Variants in MAD1L1 observed in about 807,000 individuals in gnomAD.
MAD1L1 encodes mitotic arrest deficient 1 like 1, also known as mitotic spindle assembly checkpoint protein MAD1.
MAD1L1 carries 95 observed loss-of-function variants against 96.9 expected under a neutral mutation model. The observed-to-expected ratio is 0.98, with a 90% CI of 0.83 to 1.16. The LOEUF is 1.16. Ranked by LOEUF, MAD1L1 falls within the 50% of genes most tolerant of loss-of-function variation. MAD1L1 has a pLI of 0.00. For missense variants in MAD1L1, 1,007 were observed against 954.4 expected, an observed-to-expected ratio of 1.06 and a Z score of -0.73; for synonymous variants, 473 against 396.6, an observed-to-expected ratio of 1.19 and a Z score of -2.29.
intron 10 of MAD1L1, among the ~76,000 whole-genome samples, chr7:2,190,193 T>C (rs559837542): frequency 2.6e-4 from 40 of 152,320 alleles, no homozygotes; most frequent in African/African-American, 9.4e-4. Context: ...CTTACCATAC[T>C]GGAGAAAGGA....
chr7:1,870,944 T>C (rs1306410891), intron 18 of MAD1L1, among the ~76,000 whole-genome samples: 1 of 144,714 alleles, frequency 6.9e-6, no homozygotes, highest in Non-Finnish European at 1.5e-5. Context: ...CCTGCCATGC[T>C]GAACCCACCG....
At chr7:1,969,276 C>T (rs552840349) in intron 15 of MAD1L1, among the ~76,000 whole-genome samples, 3 of 152,016 alleles carry the variant, frequency 2.0e-5, no homozygotes, top group Non-Finnish European at 4.4e-5. Context: ...CACAGCTACT[C>T]GGGAGGCTGA....
intron 18 of MAD1L1, among the ~76,000 whole-genome samples, chr7:1,871,697 C>A (rs1186993847): frequency 4.0e-5 from 6 of 151,760 alleles, no homozygotes; most frequent in Admixed American, 3.9e-4. Flanking sequence ...CAACATAACA[C>A]CTGCCACGCT....
At chr7:1,938,635 A>C (rs746022018) in intron 16 of MAD1L1, among the ~76,000 whole-genome samples, 16 of 151,664 alleles carry the variant, frequency 1.1e-4, no homozygotes, top group Non-Finnish European at 1.8e-4. Flanking sequence ...ACCCACTCTA[A>C]AAATCTGCAA....
chr7:1,972,227 T>C (rs1216590942), intron 15 of MAD1L1, among the ~76,000 whole-genome samples: 1 of 152,198 alleles, frequency 6.6e-6, no homozygotes, highest in African/African-American at 2.4e-5. Context: ...TGTACACACA[T>C]GCACCCCCGT....
intron 11 of MAD1L1, among the ~76,000 whole-genome samples, chr7:2,123,706 T>A (rs1562709113): frequency 6.6e-6 from 1 of 152,084 alleles, no homozygotes; most frequent in Non-Finnish European, 1.5e-5. Context: ...TGTTTCAGAG[T>A]GCACTTCGCA....
intron 11 of MAD1L1, chr7:2,079,578 G>A: frequency 6.4e-6 from 3 of 466,492 alleles, no homozygotes; most frequent in Admixed American, 4.7e-5. Flanking sequence ...CAGATAAACA[G>A]AGGCCACACG....
chr7:2,091,006 C>T (rs35950025), intron 11 of MAD1L1, among the ~76,000 whole-genome samples: 1 of 152,202 alleles, frequency 6.6e-6, no homozygotes, highest in Admixed American at 6.5e-5. Context: ...TTCGGTCAGC[C>T]TGATTCACCC....
At chr7:2,124,559 G>A (rs1788140596) in intron 11 of MAD1L1, among the ~76,000 whole-genome samples, 1 of 152,202 alleles carries the variant, frequency 6.6e-6, no homozygotes, top group Non-Finnish European at 1.5e-5. Context: ...CTGCCCAGGG[G>A]TGCAGTGAGG....
chr7:2,153,387 C>G (rs1273390859), intron 10 of MAD1L1, among the ~76,000 whole-genome samples: 1 of 152,068 alleles, frequency 6.6e-6, no homozygotes. Context: ...GCAAAGGACA[C>G]AAAGAGACAT....
In MAD1L1 at chr7:2,213,286, C is replaced by T. The variant is rs763744319; in HGVS notation, c.925-13G>A. ...TGGCCAGCAGCCTCTGAAAAGACAA[C>T]AAAAGCACAGACCCTGTCATCACCT... On this transcript the variant is annotated splice_polypyrimidine_tract_variant and intron_variant, in intron 9 of 18. Coordinates refer to ENST00000265854, the MANE Select transcript of MAD1L1 (RefSeq NM_001013836.2). 8 of 1,613,718 alleles carry T rather than the reference C, an allele frequency of 5.0e-6. 1 individual carries two copies. The South Asian group carries it at 8.8e-5, about 18-fold the overall frequency.
rs35578480 is a variant in MAD1L1 at position 2,146,864 on chromosome 7, C to T, written c.1073+2288G>A. On this transcript the variant is annotated intron_variant, in intron 11 of 18. Coordinates refer to ENST00000265854, the MANE Select transcript of MAD1L1 (RefSeq NM_001013836.2). The surrounding 1 kb of genome is among the most constrained non-coding windows in gnomAD (Gnocchi z 6.2). The stretch of plus-strand genomic sequence containing the variant: ...CTGACCCCGCCACGGCAGGCCGCGA[C>T]GAACACGGTGTCCCGCCACGGAAGA... Among the ~76,000 whole-genome samples, 2,218 of 152,312 alleles carry T rather than the reference C, an allele frequency of 0.015. 17 individuals carry two copies. The highest frequency in any genetic ancestry group is 0.024 in the Non-Finnish European group (1,633 of 68,024).
chr7:2,222,856 A>T, intron 4 of MAD1L1, 102 bp from the exon 5 acceptor site: 1 of 1,009,500 alleles, frequency 9.9e-7, no homozygotes. Flanking sequence ...AGGCACAAAA[A>T]AGAGCCGAGC....
At chr7:1,930,991 ACGG>A (rs1320993524) in intron 17 of MAD1L1, among the ~76,000 whole-genome samples, 2 of 151,218 alleles carry the variant, frequency 1.3e-5, no homozygotes, top group African/African-American at 4.9e-5. Context: ...CAGCCTACCC[ACGG>A]TCACAGGAGC....
At chr7:1,899,101 T>C (rs1240380783) in intron 17 of MAD1L1, among the ~76,000 whole-genome samples, 1 of 152,176 alleles carries the variant, frequency 6.6e-6, no homozygotes, top group Non-Finnish European at 1.5e-5. Flanking sequence ...GCCCCTGACA[T>C]GGCTCTAAGT....
In MAD1L1 at chr7:1,992,821, AGGCAGGC is replaced by A. The variant is rs200826559; in HGVS notation, c.1416+9237_1416+9243del. On this transcript the variant is annotated intron_variant, in intron 14 of 18. Coordinates refer to ENST00000265854, the MANE Select transcript of MAD1L1 (RefSeq NM_001013836.2). ...GGATGGCATGGGCTCTACGTCAGGG[AGGCAGGC>A]GGCAGGGGCAGGGGCAGGGGCAGGT... 2.3e-3 allele frequency among the ~76,000 whole-genome samples: 343 copies of A among 152,198 alleles called. 7 individuals are homozygous for A. In the East Asian group the frequency reaches 0.057, roughly 25 times the overall value.
At chr7:2,080,796 C>T (rs1584272013) in intron 11 of MAD1L1, among the ~76,000 whole-genome samples, 1 of 152,172 alleles carries the variant, frequency 6.6e-6, no homozygotes, top group African/African-American at 2.4e-5. Context: ...GCCATTTCTT[C>T]AAACACACCC....
rs1789103588 is a variant in MAD1L1, at chr7:2,142,752, C to T, written c.1073+6400G>A. Reference sequence around the variant, plus strand: ...AACAAGGCCTCTGGCCATGTCAAACCCCAGGGGCCCCCTTATGCCGAGAGC... The same window carrying T: ...AACAAGGCCTCTGGCCATGTCAAACTCCAGGGGCCCCCTTATGCCGAGAGC... On this transcript the variant is annotated intron_variant, in intron 11 of 18. Transcript: ENST00000265854. This position sits in a 1 kb window ranked among gnomAD's most constrained non-coding sequence, Gnocchi z 4.7. Among the ~76,000 whole-genome samples the T allele has an allele frequency of 6.6e-6, 1 of 152,244 alleles. No homozygotes were observed. Among genetic ancestry groups the T allele is most frequent in the Non-Finnish European group, 1.5e-5 (1 of 68,042 alleles).
chr7:2,014,419 A>G, intron 13 of MAD1L1, 83 bp downstream of exon 13: 1 of 1,458,726 alleles, frequency 6.9e-7, no homozygotes, highest in Non-Finnish European at 9.1e-7. Context: ...CCAGACCTCC[A>G]CCTCCCCGCC....
Sources: gnomAD v4.1 joint callset for allele counts (sites outside exome capture counted in the v4.1 genomes callset) on GRCh38, gnomAD v4.1.1 for gene constraint, Gnocchi (gnomAD v3.1) non-coding constraint, MANE v1.5 for transcripts, NCBI Gene and HGNC (gene_info 2026-07-23, HGNC 2026-07-21) for gene names.